CDC42BPB: variants seen among roughly 807,000 people sequenced by gnomAD.
The protein encoded by CDC42BPB is serine/threonine-protein kinase MRCK beta.
Under a neutral mutation model 214.9 loss-of-function variants are expected in CDC42BPB, and 37 were observed. That is an observed-to-expected ratio of 0.17 (90% CI 0.13 to 0.23). The LOEUF is 0.23. CDC42BPB is among the 10% of genes least tolerant of loss of function. The probability of loss-of-function intolerance (pLI) is 1.00; values close to 1 mark genes in which losing one functional copy is unlikely to be tolerated. For missense variants in CDC42BPB, 1,694 were observed against 2,227.0 expected (o/e 0.76, Z 4.82); for synonymous variants, 931 against 884.0 (o/e 1.05, Z -0.94).
chr14:102,968,202 A>T (rs1486854299), intron 16 of CDC42BPB, 51 bp downstream of exon 16: 8 of 1,379,638 alleles, frequency 5.8e-6, no homozygotes, highest in Non-Finnish European at 8.2e-6. Flanking sequence ...ATTTTTTTTT[A>T]AATTACAACT....
chr14:103,011,328 T>C (rs922114102), intron 2 of CDC42BPB, among the ~76,000 whole-genome samples: 5 of 152,364 alleles, frequency 3.3e-5, no homozygotes, highest in African/African-American at 1.2e-4. Flanking sequence ...ACACCGCGTG[T>C]GTCAACAGCA....
At chr14:103,012,451 G>T (rs1334503337) in intron 1 of CDC42BPB, 2 of 161,298 alleles carry the variant, frequency 1.2e-5, no homozygotes, top group Non-Finnish European at 2.6e-5. Context: ...ACCACATACA[G>T]AACAGTGATC....
chr14:103,013,866 C>T (rs1886299187), intron 1 of CDC42BPB, among the ~76,000 whole-genome samples: 1 of 152,156 alleles, frequency 6.6e-6, no homozygotes, highest in South Asian at 2.1e-4. Context: ...GTTACATCCC[C>T]CACAAGAAGC....
At chr14:102,964,468 C>A (rs777671521) in intron 19 of CDC42BPB, 34 bp downstream of exon 19, 15 of 1,609,774 alleles carry the variant, frequency 9.3e-6, no homozygotes, top group Admixed American at 1.7e-5. Context: ...ACAGCCACTG[C>A]TCCTACCTGG....
At chr14:102,945,877 G>T (rs1892141397) in intron 28 of CDC42BPB, among the ~76,000 whole-genome samples, 153 bp from the exon 29 acceptor site, 1 of 152,230 alleles carries the variant, frequency 6.6e-6, no homozygotes, top group Non-Finnish European at 1.5e-5. Context: ...AGTATCGGGG[G>T]TGACTTTCTC....
rs372106767 is a variant in CDC42BPB, at chr14:103,004,264, G to A, written c.352-241C>T. ...AGGCACTTGCACCCTGCTGTCCCAC[G>A]GGCACCATTTCTGTGGCTGACACTT... On this transcript the variant is annotated intron_variant, in intron 3 of 36. Coordinates refer to ENST00000361246, the MANE Select transcript of CDC42BPB (RefSeq NM_006035.4). The surrounding 1 kb of genome is among the most constrained non-coding windows in gnomAD (Gnocchi z 5.3). 48 of 1,026,438 alleles carry A rather than the reference G, an allele frequency of 4.7e-5. No homozygotes were observed. The highest frequency in any genetic ancestry group is 2.9e-4 in the East Asian group (7 of 24,344). The allele number at this position is 1,026,438 out of a possible 1,614,324, so 63.6% of individuals were successfully genotyped here.
intron 27 of CDC42BPB, among the ~76,000 whole-genome samples, chr14:102,947,365 G>C (rs542071910): frequency 6.6e-6 from 1 of 152,334 alleles, no homozygotes; most frequent in Admixed American, 6.5e-5. Flanking sequence ...ATTGGCTGGG[G>C]GGCACTGGAG....
intron 1 of CDC42BPB, among the ~76,000 whole-genome samples, chr14:103,025,639 G>A (rs1887009666): frequency 6.6e-6 from 1 of 151,838 alleles, no homozygotes; most frequent in Non-Finnish European, 1.5e-5. Context: ...CCAACATGGT[G>A]TAACCCTGTC....
chr14:102,977,422 C>T (rs1040392972), intron 9 of CDC42BPB, among the ~76,000 whole-genome samples: 2 of 151,702 alleles, frequency 1.3e-5, no homozygotes, highest in African/African-American at 4.8e-5. Flanking sequence ...TGCCAGAGGA[C>T]GCCAGGAATC....
intron 9 of CDC42BPB, 132 bp from the exon 10 acceptor site, chr14:102,976,181 GGT>G (rs1893734959): frequency 6.9e-7 from 1 of 1,459,160 alleles, no homozygotes; most frequent in Admixed American, 2.6e-5. Flanking sequence ...AAGACTTTAT[GGT>G]TTATGGAACC....
At chr14:103,053,707 A>C (rs1421406981) in intron 1 of CDC42BPB, among the ~76,000 whole-genome samples, 1 of 150,156 alleles carries the variant, frequency 6.7e-6, no homozygotes, top group African/African-American at 2.4e-5. Flanking sequence ...GCTTGCAGTG[A>C]GCCGAGATCC....
chr14:103,051,086 C>A (rs1239394761), intron 1 of CDC42BPB, among the ~76,000 whole-genome samples: 5 of 136,700 alleles, frequency 3.7e-5, no homozygotes, highest in Non-Finnish European at 6.1e-5. Flanking sequence ...TAACCCCCAA[C>A]ACAGATTGTT....
chr14:103,032,728 G>A lies in CDC42BPB; in HGVS notation c.176-20540C>T, dbSNP rs528746559. On this transcript the variant is annotated intron_variant, in intron 1 of 36. Coordinates refer to ENST00000361246, the MANE Select transcript of CDC42BPB (RefSeq NM_006035.4). Reference sequence around the variant, plus strand: ...GCTCATTGCGACCTCTGCCTCCCGGGTTCAAGCAATTCTCCTGCCCCAGCC... The same window carrying A: ...GCTCATTGCGACCTCTGCCTCCCGGATTCAAGCAATTCTCCTGCCCCAGCC... Among the ~76,000 whole-genome samples, 25 of 149,790 alleles carry A rather than the reference G, an allele frequency of 1.7e-4. No individual in the cohort carries two copies. In the East Asian group the frequency reaches 4.7e-3, roughly 28 times the overall value.
chr14:103,020,986 A>G (rs1241472065), intron 1 of CDC42BPB, among the ~76,000 whole-genome samples: 3 of 152,258 alleles, frequency 2.0e-5, no homozygotes, highest in Non-Finnish European at 2.9e-5. Flanking sequence ...CGAGTCTGAG[A>G]AAAGTGACTC....
At chr14:102,999,189 C>G (rs1361135400) in intron 5 of CDC42BPB, among the ~76,000 whole-genome samples, 1 of 49,008 alleles carries the variant, frequency 2.0e-5, no homozygotes, top group Non-Finnish European at 4.2e-5. Flanking sequence ...CCCCAGGGAG[C>G]ACAAGCATTT....
chr14:102,960,389 G>A (rs974818324), intron 20 of CDC42BPB, among the ~76,000 whole-genome samples: 1 of 151,894 alleles, frequency 6.6e-6, no homozygotes, highest in Non-Finnish European at 1.5e-5. Context: ...GGCCAAGGTC[G>A]GAGGACTGCT....
At position 102,940,332 on chromosome 14, in the gene CDC42BPB, A is replaced by G. The variant is rs1181119382; in HGVS notation, c.4409-8T>C. On this transcript the variant is annotated splice_polypyrimidine_tract_variant and splice_region_variant and intron_variant, in intron 30 of 36. Coordinates refer to ENST00000361246, the MANE Select transcript of CDC42BPB (RefSeq NM_006035.4). ...CGTGGGTGGGGCTGCAACCTAGCGCAGACGGAGCAGGGCGGGGTGAGCCAC... is the reference window on the plus strand; with the variant it reads ...CGTGGGTGGGGCTGCAACCTAGCGCGGACGGAGCAGGGCGGGGTGAGCCAC... 6.4e-7 allele frequency: 1 copy of G among 1,561,412 alleles called. No individual in the cohort carries two copies. Among genetic ancestry groups the G allele is most frequent in the Non-Finnish European group, 8.7e-7 (1 of 1,153,100 alleles).
intron 34 of CDC42BPB, chr14:102,938,612 C>T: frequency 3.2e-6 from 3 of 951,234 alleles, no homozygotes; most frequent in Non-Finnish European, 2.5e-6. Context: ...CAGGTCAAAT[C>T]CTATAAAAAG....
At chr14:103,000,201 G>A (rs1173819546) in intron 4 of CDC42BPB, among the ~76,000 whole-genome samples, 1 of 152,228 alleles carries the variant, frequency 6.6e-6, no homozygotes, top group Non-Finnish European at 1.5e-5. Flanking sequence ...ATTACTTATA[G>A]GTTCACTCCA....
Sources: gnomAD v4.1 joint callset for allele counts (sites outside exome capture counted in the v4.1 genomes callset) on GRCh38, gnomAD v4.1.1 for gene constraint, Gnocchi (gnomAD v3.1) non-coding constraint, MANE v1.5 for transcripts, NCBI Gene and HGNC (gene_info 2026-07-23, HGNC 2026-07-21) for gene names.